Variants in FAT1 observed in about 807,000 individuals in gnomAD.
FAT1 encodes the protein FAT atypical cadherin 1.
A neutral mutation model predicts 329.8 loss-of-function variants in FAT1; 171 were observed. That is an observed-to-expected ratio of 0.52 (90% CI 0.46 to 0.59). The LOEUF (loss-of-function observed/expected upper bound fraction) is 0.59, where lower values mean the gene tolerates loss of function less well. Ranked by LOEUF, FAT1 falls within the 20% of genes least tolerant of loss-of-function variation. FAT1 has a pLI of 0.00. For missense variants in FAT1, 5,672 were observed against 5,774.4 expected (o/e 0.98, Z 0.57); for synonymous variants, 2,233 against 2,228.6 (o/e 1.00, Z -0.06).
At position 186,600,338 on chromosome 4, in the gene FAT1, T is replaced by A. The variant is rs1039721807; in HGVS notation, c.11663A>T (p.Tyr3888Phe). The A allele has an allele frequency of 6.2e-7, 1 of 1,612,600 alleles. No individual in the cohort carries two copies. Among genetic ancestry groups the A allele is most frequent in the Non-Finnish European group, 8.5e-7 (1 of 1,179,154 alleles). ...AGGGCCACTTCCACAGTCAAACTTG[T>A]ACTGCAGCCTTCCATGATGAATCTA... ...ILEIHHGRLQ[Y>F]KFDCGSGPGI... Residue 3888 changes from tyrosine (Y) to phenylalanine (F), a missense_variant, in exon 22 of 27, where the codon TAC becomes TTC. Physicochemically the swap from Tyr to Phe is conservative, Grantham distance 22. Around this residue, in one of 2 missense-constraint regions of FAT1, gnomAD observed 1,706 missense variants for 1,859.1 expected, o/e 0.92. Transcript: ENST00000441802.
At position 186,602,984 on chromosome 4, in the gene FAT1, C is replaced by T. The variant is rs543576319; in HGVS notation, c.11401G>A (p.Glu3801Lys). The T allele has an allele frequency of 1.2e-6, 2 of 1,613,988 alleles. No homozygotes were observed. The highest frequency in any genetic ancestry group is 4.5e-5 in the East Asian group (2 of 44,888). ...HHGCEDDPCP[E>K]GSECVSDPWE... ...GGATCAGACACACATTCGGATCCCT[C>T]AGGGCACGGATCATCTTCACAGCCA... Residue 3801 changes from glutamate (E) to lysine (K), a missense_variant, in exon 20 of 27, where the codon GAG becomes AAG. Physicochemically the swap from Glu to Lys is moderately conservative, Grantham distance 56. This residue lies in a region of FAT1 where 1,706 missense variants were observed against 1,859.1 expected (regional missense o/e 0.92). Coordinates refer to ENST00000441802, the MANE Select transcript of FAT1 (RefSeq NM_005245.4).
chr4:186,640,915 G>C (rs182777321), intron 3 of FAT1, among the ~76,000 whole-genome samples: 1 of 152,246 alleles, frequency 6.6e-6, no homozygotes, highest in African/African-American at 2.4e-5. Context: ...GGTGGAGCCT[G>C]TGTGGCAGGA....
intron 26 of FAT1, among the ~76,000 whole-genome samples, chr4:186,595,295 G>GT (rs1738444366): frequency 2.1e-5 from 3 of 139,896 alleles, no homozygotes; most frequent in African/African-American, 9.2e-5. Context: ...TTCTTAGAGG[G>GT]GGTGTGTGTG....
chr4:186,675,966 T>C (rs1742938139), intron 2 of FAT1, among the ~76,000 whole-genome samples: 4 of 152,116 alleles, frequency 2.6e-5, no homozygotes, highest in Admixed American at 2.6e-4. Flanking sequence ...TCCTACCACA[T>C]GCCAGGTATG....
intron 3 of FAT1, among the ~76,000 whole-genome samples, chr4:186,658,822 G>A (rs982449804): frequency 3.9e-5 from 6 of 151,924 alleles, no homozygotes; most frequent in Non-Finnish European, 8.8e-5. Context: ...CACTTCCACC[G>A]GACCCGTGAG....
In FAT1 at chr4:186,709,788, G is replaced by A. The variant is rs1458285250; in HGVS notation, c.40C>T (p.Leu14Phe). 13 of 1,609,734 alleles carry A rather than the reference G, an allele frequency of 8.1e-6. No homozygotes were observed. The highest frequency in any genetic ancestry group is 1.1e-5 in the Non-Finnish European group (13 of 1,177,700). The change falls in exon 2 of 27, where the codon CTC becomes TTC. Residue 14 changes from leucine (L) to phenylalanine (F), a missense_variant. By Grantham distance (22) the Leu-to-Phe change is conservative (BLOSUM62 0). Transcript: ENST00000441802. ...TCACTGTCTCCAAAATGTTGGAAGA[G>A]AAGGAGCAGAAGCAGGAGCAAAGCC... ...HLALLLLLLL[L>F]FQHFGDSDGS...
intron 4 of FAT1, among the ~76,000 whole-genome samples, chr4:186,638,075 T>G (rs1246327801): frequency 6.7e-6 from 1 of 149,096 alleles, no homozygotes; most frequent in Non-Finnish European, 1.5e-5. Flanking sequence ...CAAGAACCAG[T>G]AGCTAGTCAC....
intron 2 of FAT1, among the ~76,000 whole-genome samples, chr4:186,679,883 T>C (rs932148224): frequency 2.0e-5 from 3 of 152,222 alleles, no homozygotes; most frequent in African/African-American, 7.2e-5. Flanking sequence ...AGGCTATTTG[T>C]TAAAATCTGA....
chr4:186,620,747 G>C lies in FAT1; in HGVS notation c.5839C>G (p.Arg1947Gly), dbSNP rs751134485. The stretch of plus-strand genomic sequence containing the variant: ...GAAGCTCTAACGGTTAGCTCGTAGC[G>C]GCTTCTTAACTGAGTTGTGTTTTGG... ...TVQNTTQLRS[R>G]YELTVRASDG... Residue 1947 changes from arginine (R) to glycine (G), a missense_variant, in exon 10 of 27, where the codon CGC becomes GGC. Physicochemically the swap from Arg to Gly is moderately radical, Grantham distance 125. Around this residue, in one of 2 missense-constraint regions of FAT1, gnomAD observed 3,966 missense variants for 3,915.2 expected, o/e 1.01. Coordinates refer to ENST00000441802, the MANE Select transcript of FAT1 (RefSeq NM_005245.4). 1.2e-6 allele frequency: 2 copies of C among 1,613,994 alleles called. No individual in the cohort carries two copies. Among genetic ancestry groups the C allele is most frequent in the Non-Finnish European group, 1.7e-6 (2 of 1,179,890 alleles).
At position 186,636,044 on chromosome 4, in the gene FAT1, G is replaced by A; in HGVS notation, c.4164C>T (p.Pro1388=). The change falls in exon 6 of 27, where the codon CCC becomes CCT. Residue 1388 remains proline, a synonymous_variant. Coordinates refer to ENST00000441802, the MANE Select transcript of FAT1 (RefSeq NM_005245.4). ...GCTTACCAGTGATGTCAAACCAAAG[G>A]GGTATGCCAGGAGGCTCCACAGATA... ...GVISVEPPGI[P]LWFDITGGNY... 6.2e-7 allele frequency: 1 copy of A among 1,613,940 alleles called. No individual in the cohort carries two copies. The highest frequency in any genetic ancestry group is 8.5e-7 in the Non-Finnish European group (1 of 1,179,874).
chr4:186,618,542 A>T lies in FAT1; in HGVS notation c.8044T>A (p.Ser2682Thr), dbSNP rs377061753. 1.2e-6 allele frequency: 2 copies of T among 1,613,938 alleles called. No individual in the cohort carries two copies. The highest frequency in any genetic ancestry group is 1.7e-6 in the Non-Finnish European group (2 of 1,179,906). ...TAGACAAGAACAACAGATTCTTTTG[A>T]TGGAGACCCATTATCCACAGCTCTA... is the stretch of plus-strand genomic sequence containing the variant. ...FVRAVDNGSPSKESVVLVYVK... is the reference protein window; with the variant it reads ...FVRAVDNGSPTKESVVLVYVK... The change falls in exon 10 of 27, where the codon TCA becomes ACA. Residue 2682 changes from serine to threonine, a missense_variant. Ser to Thr is a moderately conservative substitution (Grantham distance 58, BLOSUM62 1). Coordinates refer to ENST00000441802, the MANE Select transcript of FAT1 (RefSeq NM_005245.4).
At chr4:186,589,539 T>C (rs1019610088) in intron 26 of FAT1, among the ~76,000 whole-genome samples, 1 of 152,180 alleles carries the variant, frequency 6.6e-6, no homozygotes, top group Non-Finnish European at 1.5e-5. Context: ...CTACAAATGA[T>C]TCTAACCATC....
In FAT1 at chr4:186,651,407, G is replaced by C. The variant is rs1051641607; in HGVS notation, c.3581-11624C>G. Among the ~76,000 whole-genome samples, 12 of 152,264 alleles carry C rather than the reference G, an allele frequency of 7.9e-5. No individual in the cohort carries two copies. In the East Asian group the frequency reaches 9.7e-4, roughly 12 times the overall value. On this transcript the variant is annotated intron_variant, in intron 3 of 26. Coordinates refer to ENST00000441802, the MANE Select transcript of FAT1 (RefSeq NM_005245.4). ...GTGGACAGAAGGCGCAAGTGAGCGG[G>C]AGTGACAGAAACTACATCAAGGGCA... is the stretch of plus-strand genomic sequence containing the variant.
intron 3 of FAT1, among the ~76,000 whole-genome samples, chr4:186,662,825 A>G (rs1579408806): frequency 6.6e-6 from 1 of 151,188 alleles, no homozygotes. Context: ...AAAGTTTAAA[A>G]AGCACATTTA....
At position 186,639,748 on chromosome 4, in the gene FAT1, C is replaced by T. The variant is rs765424396; in HGVS notation, c.3616G>A (p.Glu1206Lys). The T allele has an allele frequency of 1.2e-6, 2 of 1,612,552 alleles. No homozygotes were observed. The highest frequency in any genetic ancestry group is 1.7e-6 in the Non-Finnish European group (2 of 1,179,196). ...ITTTSRKLDR[E>K]QQDEHILEVT... ...TCTAATATGTGTTCATCTTGCTGTT[C>T]TCGGTCTAGCTTCCTTGACGTAGTT... Residue 1206 changes from glutamate (E) to lysine (K), a missense_variant, in exon 4 of 27, where the codon GAA (glutamate) becomes AAA (lysine). Transcript: ENST00000441802.
intron 2 of FAT1, among the ~76,000 whole-genome samples, chr4:186,686,560 T>C (rs746198943): frequency 6.6e-6 from 1 of 152,250 alleles, no homozygotes; most frequent in African/African-American, 2.4e-5. Context: ...ATTGAATCTA[T>C]TGCCTAAAGT....
At position 186,712,211 on chromosome 4, in the gene FAT1, G is replaced by T. The variant is rs191608424; in HGVS notation, c.-18-2366C>A. 1.2e-4 allele frequency among the ~76,000 whole-genome samples: 19 copies of T among 152,320 alleles called. 1 individual carries two copies. In the East Asian group the frequency reaches 3.7e-3, roughly 29 times the overall value. On this transcript the variant is annotated intron_variant, in intron 1 of 26. Transcript: ENST00000441802. The stretch of plus-strand genomic sequence containing the variant: ...ATGTTTATTTAAAAGAGAGGAGAAG[G>T]GGGGTAGATACAATGTACCCACGGA...
At chr4:186,635,870 T>C (rs1163645090) in intron 6 of FAT1, among the ~76,000 whole-genome samples, 155 bp downstream of exon 6, 1 of 152,208 alleles carries the variant, frequency 6.6e-6, no homozygotes, top group Non-Finnish European at 1.5e-5. Context: ...GTGAAAAATT[T>C]TGCAATCAAA....
chr4:186,595,538 A>T, intron 26 of FAT1, 151 bp downstream of exon 26: 1 of 791,822 alleles, frequency 1.3e-6, no homozygotes, highest in South Asian at 2.0e-5. Flanking sequence ...GCAGACATTC[A>T]TGCAAGTATG....
Sources: gnomAD v4.1 joint callset for allele counts (sites outside exome capture counted in the v4.1 genomes callset) on GRCh38, gnomAD v4.1.1 for gene constraint, gnomAD v4.1.1 regional missense constraint, MANE v1.5 for transcripts, NCBI Gene and HGNC (gene_info 2026-07-23, HGNC 2026-07-21) for gene names.